Variants in ARHGAP24 observed in about 807,000 individuals in gnomAD.
The protein encoded by ARHGAP24 is rho GTPase-activating protein 24.
Under a neutral mutation model 76.4 loss-of-function variants are expected in ARHGAP24, and 50 were observed. The observed-to-expected ratio is 0.65, with a 90% CI of 0.52 to 0.83. The LOEUF (loss-of-function observed/expected upper bound fraction) is 0.83, where lower values mean the gene tolerates loss of function less well. Ranked by LOEUF, ARHGAP24 falls within the 40% of genes least tolerant of loss-of-function variation. The probability of loss-of-function intolerance (pLI) is 0.00; values close to 1 mark genes in which losing one functional copy is unlikely to be tolerated. For synonymous variants in ARHGAP24, 345 were observed against 323.3 expected, an observed-to-expected ratio of 1.07 and a Z score of -0.72; for missense variants, 930 against 914.2, an observed-to-expected ratio of 1.02 and a Z score of -0.22.
chr4:85,643,235 T>TGG (rs1491456068), intron 2 of ARHGAP24, among the ~76,000 whole-genome samples: 3 of 2,630 alleles, frequency 1.1e-3, no homozygotes, highest in African/African-American at 1.8e-3. Flanking sequence ...TTTTTTTGTG[T>TGG]TTTTTTTTTT....
chr4:85,630,297 G>A (rs1035412939), intron 2 of ARHGAP24, among the ~76,000 whole-genome samples: 1 of 152,036 alleles, frequency 6.6e-6, no homozygotes, highest in Non-Finnish European at 1.5e-5. Flanking sequence ...AGCTCACTAG[G>A]TTCTTTAAGA....
At position 85,895,358 on chromosome 4, in the gene ARHGAP24, A is replaced by T. The variant is rs191761427; in HGVS notation, c.269-28290A>T. The stretch of plus-strand genomic sequence containing the variant: ...GAACCAGAACTGGCTCAGTCTATGG[A>T]AATTTATCTACACTATGGCCAGTTG... On this transcript the variant is annotated intron_variant, in intron 3 of 9. Coordinates refer to ENST00000395184, the MANE Select transcript of ARHGAP24 (RefSeq NM_001025616.3). 6.6e-5 allele frequency among the ~76,000 whole-genome samples: 10 copies of T among 152,306 alleles called. No individual in the cohort carries two copies. The East Asian group carries it at 1.7e-3, about 26-fold the overall frequency.
intron 5 of ARHGAP24, among the ~76,000 whole-genome samples, chr4:85,965,303 A>G (rs1738522790): frequency 6.6e-6 from 1 of 152,114 alleles, no homozygotes; most frequent in Non-Finnish European, 1.5e-5. Flanking sequence ...CCCATTCACT[A>G]TCATGAGAAC....
In ARHGAP24 at chr4:85,890,879, G is replaced by C. The variant is rs1036227929; in HGVS notation, c.269-32769G>C. Among the ~76,000 whole-genome samples, 6 of 152,260 alleles carry C rather than the reference G, an allele frequency of 3.9e-5. No homozygotes were observed. In the East Asian group the frequency reaches 7.7e-4, roughly 20 times the overall value. On this transcript the variant is annotated intron_variant, in intron 3 of 9. Coordinates refer to ENST00000395184, the MANE Select transcript of ARHGAP24 (RefSeq NM_001025616.3). ...TAAAATCCATTAAGGTGGGGACCTT[G>C]TTTCATTCACTTCTAAAGCCCTAAA... is the stretch of plus-strand genomic sequence containing the variant.
intron 1 of ARHGAP24, among the ~76,000 whole-genome samples, chr4:85,514,078 C>T (rs74605261): frequency 0.015 from 2,264 of 152,272 alleles, 23 homozygotes; most frequent in Middle Eastern, 0.024. Flanking sequence ...AAAGATAATT[C>T]CTGAAACTTT....
At chr4:85,484,331 A>C (rs924807100) in intron 1 of ARHGAP24, among the ~76,000 whole-genome samples, 1 of 152,200 alleles carries the variant, frequency 6.6e-6, no homozygotes, top group African/African-American at 2.4e-5. Flanking sequence ...GAAATTATTA[A>C]AAATTCATAA....
chr4:85,837,333 T>G (rs1226603554), intron 3 of ARHGAP24, among the ~76,000 whole-genome samples: 1 of 152,182 alleles, frequency 6.6e-6, no homozygotes, highest in African/African-American at 2.4e-5. Context: ...GAAAACATTT[T>G]CCCCAGTAAT....
intron 4 of ARHGAP24, chr4:85,930,306 C>A: frequency 1.0e-6 from 1 of 986,176 alleles, no homozygotes; most frequent in South Asian, 4.7e-5. Context: ...AGGGGAGAAA[C>A]CTGCAGAGAG....
intron 4 of ARHGAP24, among the ~76,000 whole-genome samples, chr4:85,925,905 C>T (rs1298040186): frequency 2.6e-5 from 4 of 152,060 alleles, no homozygotes; most frequent in Non-Finnish European, 5.9e-5. Flanking sequence ...CACTCTTCTC[C>T]CCTTTATAAT....
chr4:85,646,195 A>C (rs1721715693), intron 2 of ARHGAP24, among the ~76,000 whole-genome samples: 1 of 152,076 alleles, frequency 6.6e-6, no homozygotes, highest in African/African-American at 2.4e-5. Context: ...TTATTTTAAC[A>C]TCAAATAAAG....
intron 2 of ARHGAP24, among the ~76,000 whole-genome samples, chr4:85,696,566 T>C (rs1723872725): frequency 6.6e-6 from 1 of 152,196 alleles, no homozygotes; most frequent in Non-Finnish European, 1.5e-5. Context: ...GTATTTCCAT[T>C]TTCATTTTTA....
intron 3 of ARHGAP24, among the ~76,000 whole-genome samples, chr4:85,796,848 GTCC>G (rs1728362998): frequency 6.6e-6 from 1 of 152,108 alleles, no homozygotes; most frequent in African/African-American, 2.4e-5. Flanking sequence ...TTTCTGCCAA[GTCC>G]TCCTTCATTT....
At chr4:85,575,266 A>G (rs1215743452) in intron 2 of ARHGAP24, among the ~76,000 whole-genome samples, 1 of 152,192 alleles carries the variant, frequency 6.6e-6, no homozygotes, top group African/African-American at 2.4e-5. Context: ...GATTGTTTTT[A>G]TAAAAACAAA....
chr4:85,883,181 G>A (rs544013457), intron 3 of ARHGAP24, among the ~76,000 whole-genome samples: 25 of 152,252 alleles, frequency 1.6e-4, no homozygotes. Flanking sequence ...CGCATATAAT[G>A]AAGAATTTGG....
intron 2 of ARHGAP24, among the ~76,000 whole-genome samples, chr4:85,704,848 C>G (rs1313044576): frequency 1.3e-5 from 2 of 151,840 alleles, no homozygotes; most frequent in Non-Finnish European, 2.9e-5. Context: ...GTATAAGCAA[C>G]CAGATAGAAT....
intron 2 of ARHGAP24, among the ~76,000 whole-genome samples, chr4:85,590,501 A>C (rs1728049108): frequency 6.6e-6 from 1 of 152,000 alleles, no homozygotes; most frequent in Admixed American, 6.6e-5. Context: ...TTGGGACTAC[A>C]GGTGCATGCC....
chr4:85,695,963 G>A (rs1723850224), intron 2 of ARHGAP24, among the ~76,000 whole-genome samples: 1 of 152,034 alleles, frequency 6.6e-6, no homozygotes, highest in South Asian at 2.1e-4. Flanking sequence ...AATAATTTAA[G>A]GCAGCCAGAG....
At chr4:85,926,560 G>T (rs1459803536) in intron 4 of ARHGAP24, among the ~76,000 whole-genome samples, 2 of 152,130 alleles carry the variant, frequency 1.3e-5, no homozygotes, top group East Asian at 1.9e-4. Context: ...GATTTCAAAT[G>T]TTCCTATTAA....
At chr4:85,880,389 T>A (rs1733177795) in intron 3 of ARHGAP24, among the ~76,000 whole-genome samples, 1 of 152,194 alleles carries the variant, frequency 6.6e-6, no homozygotes, top group Non-Finnish European at 1.5e-5. Context: ...AGCATCTGGG[T>A]GTCACTTGTT....
Sources: gnomAD v4.1 joint callset for allele counts (sites outside exome capture counted in the v4.1 genomes callset) on GRCh38, gnomAD v4.1.1 for gene constraint, MANE v1.5 for transcripts, NCBI Gene and HGNC (gene_info 2026-07-23, HGNC 2026-07-21) for gene names.